The following TMOD1 variants were observed in gnomAD, a reference collection of about 807,000 sequenced individuals.
The protein encoded by TMOD1 is tropomodulin 1.
A neutral mutation model predicts 40.6 loss-of-function variants in TMOD1; 17 were observed. The ratio of observed to expected loss-of-function variants is 0.42; its 90% CI spans 0.29 to 0.63. The LOEUF is 0.63. Ranked by LOEUF, TMOD1 falls within the 20% of genes least tolerant of loss-of-function variation. The pLI, the probability that TMOD1 is intolerant of heterozygous loss-of-function variation, is 0.22. For missense variants in TMOD1, 391 were observed against 447.6 expected, an observed-to-expected ratio of 0.87 and a Z score of 1.14; for synonymous variants, 181 against 175.0, an observed-to-expected ratio of 1.03 and a Z score of -0.27.
intron 2 of TMOD1, among the ~76,000 whole-genome samples, chr9:97,542,028 ATATCT>A (rs1563985188): frequency 6.6e-6 from 1 of 152,184 alleles, no homozygotes; most frequent in African/African-American, 2.4e-5. Context: ...TATTGCTTTG[ATATCT>A]TATCTAAGAA....
chr9:97,593,339 G>A (rs916120013), intron 9 of TMOD1, among the ~76,000 whole-genome samples: 1 of 152,108 alleles, frequency 6.6e-6, no homozygotes, highest in Non-Finnish European at 1.5e-5. Flanking sequence ...CAAAATTCAG[G>A]CCTGACTCCC....
rs1270114041 is a variant in TMOD1, at chr9:97,557,208, C to T, written c.397+3808C>T. Among the ~76,000 whole-genome samples, 2 of 152,078 alleles carry T rather than the reference C, an allele frequency of 1.3e-5. No individual in the cohort carries two copies. Among genetic ancestry groups the T allele is most frequent in the African/African-American group, 2.4e-5 (1 of 41,398 alleles). ...AACATGTAGATTTCAACATTAAAAG[C>T]GTCCCTGCTGGGCAACAAGCAGAGT... On this transcript the variant is annotated intron_variant, in intron 4 of 9. Transcript: ENST00000259365. This position sits in a 1 kb window ranked among gnomAD's most constrained non-coding sequence, Gnocchi z 4.4.
chr9:97,551,781 T>C (rs1459737661), intron 3 of TMOD1, among the ~76,000 whole-genome samples: 2 of 152,226 alleles, frequency 1.3e-5, no homozygotes, highest in African/African-American at 2.4e-5. Flanking sequence ...TTTGGTAGCA[T>C]TGCCATCTTA....
In TMOD1 at chr9:97,554,556, C is replaced by T. The variant is rs527810734; in HGVS notation, c.397+1156C>T. ...AGCCTTTGGTGGTGGGGGTTGGGGG[C>T]GGGGGTGCAAATCGTGGGAATGGGG... is the stretch of plus-strand genomic sequence containing the variant. On this transcript the variant is annotated intron_variant, in intron 4 of 9. Coordinates refer to ENST00000259365, the MANE Select transcript of TMOD1 (RefSeq NM_003275.4). 7.9e-5 allele frequency among the ~76,000 whole-genome samples: 9 copies of T among 114,112 alleles called. No homozygotes were observed. In the East Asian group the frequency reaches 1.8e-3, roughly 23 times the overall value. 74.9% of individuals were successfully genotyped at this position (114,112 alleles called of 152,430 possible).
intron 8 of TMOD1, among the ~76,000 whole-genome samples, chr9:97,575,604 C>G (rs1478147103): frequency 6.6e-6 from 1 of 152,172 alleles, no homozygotes; most frequent in African/African-American, 2.4e-5. Context: ...AATTCCCAGG[C>G]CTCCTTTCTG....
chr9:97,543,021 C>T (rs1255939285), intron 2 of TMOD1, among the ~76,000 whole-genome samples: 1 of 152,164 alleles, frequency 6.6e-6, no homozygotes, highest in Non-Finnish European at 1.5e-5. Context: ...AAGTGTCCAG[C>T]CCAGAATGTC....
At chr9:97,560,470 G>A (rs1830620184) in intron 4 of TMOD1, among the ~76,000 whole-genome samples, 1 of 151,856 alleles carries the variant, frequency 6.6e-6, no homozygotes, top group Non-Finnish European at 1.5e-5. Flanking sequence ...ATATTGAATG[G>A]GGCGTACTTA....
intron 1 of TMOD1, among the ~76,000 whole-genome samples, chr9:97,504,474 G>A (rs1034604652): frequency 6.6e-6 from 1 of 152,208 alleles, no homozygotes; most frequent in Non-Finnish European, 1.5e-5. Context: ...GGCAAGTAGT[G>A]AGAAGAACCC....
At chr9:97,509,408 T>A (rs183738663) in intron 1 of TMOD1, among the ~76,000 whole-genome samples, 1 of 152,124 alleles carries the variant, frequency 6.6e-6, no homozygotes, top group Admixed American at 6.5e-5. Context: ...GTGTTAATAG[T>A]AGTCTGTTGT....
intron 6 of TMOD1, 39 bp downstream of exon 6, chr9:97,564,207 G>C (rs375364797): frequency 1.5e-5 from 23 of 1,553,768 alleles, no homozygotes; most frequent in Admixed American, 1.4e-4. Flanking sequence ...TGTGTGGCTG[G>C]GGGAGGGGGA....
In TMOD1 at chr9:97,600,242, A is replaced by AGAT. The variant is rs1491274933; in HGVS notation, c.*545_*547dup. The stretch of plus-strand genomic sequence containing the variant: ...CAGAACACAATTTTCCCCTCAGAAC[A>AGAT]GATAGACAGACTGAAGCCACTGAAC... On this transcript the variant is annotated 3_prime_UTR_variant, in exon 10 of 10. Coordinates refer to ENST00000259365, the MANE Select transcript of TMOD1 (RefSeq NM_003275.4). 5.1e-6 allele frequency: 5 copies of AGAT among 988,284 alleles called. No individual in the cohort carries two copies. Among genetic ancestry groups the AGAT allele is most frequent in the Non-Finnish European group, 6.0e-6 (5 of 831,526 alleles). The allele number at this position is 988,284 out of a possible 1,614,324, so 61.2% of individuals were successfully genotyped here. A position where few individuals can be genotyped will look rare whatever the true frequency, so the allele number is the denominator to read the frequency against.
intron 8 of TMOD1, among the ~76,000 whole-genome samples, chr9:97,574,416 G>A (rs1830883371): frequency 6.6e-6 from 1 of 152,204 alleles, no homozygotes; most frequent in African/African-American, 2.4e-5. Context: ...CTCCCCACGG[G>A]GCAGGGCTCG....
chr9:97,574,291 C>G (rs538244890), intron 8 of TMOD1, among the ~76,000 whole-genome samples: 2 of 152,128 alleles, frequency 1.3e-5, no homozygotes, highest in Admixed American at 1.3e-4. Flanking sequence ...TGGGCGTGCT[C>G]TCGGCGGGCC....
rs536712495 is a variant in TMOD1, at chr9:97,569,119, G to A, written c.870+82G>A. 9 of 1,541,068 alleles carry A rather than the reference G, an allele frequency of 5.8e-6. No individual in the cohort carries two copies. In the East Asian group the frequency reaches 2.0e-4, roughly 35 times the overall value. On this transcript the variant is annotated intron_variant, in intron 8 of 9. Transcript: ENST00000259365. Reference sequence around the variant, plus strand: ...AGTGTTTCCCATGCTGCTGGATGGAGCTGAGAATGCTGATGATAGAAGCTC... The same window carrying A: ...AGTGTTTCCCATGCTGCTGGATGGAACTGAGAATGCTGATGATAGAAGCTC...
Position 97,574,583 on chromosome 9 carries a change from C to A in TMOD1, c.870+5546C>A, listed in dbSNP as rs1014604960. On this transcript the variant is annotated intron_variant, in intron 8 of 9. Coordinates refer to ENST00000259365, the MANE Select transcript of TMOD1 (RefSeq NM_003275.4). Reference sequence around the variant, plus strand: ...GGGCGCAGGGCGCGGGACTGGCAGGCAGCTCCACCTGCGGCCCCGGTGCAG... The same window carrying A: ...GGGCGCAGGGCGCGGGACTGGCAGGAAGCTCCACCTGCGGCCCCGGTGCAG... Among the ~76,000 whole-genome samples the A allele has an allele frequency of 1.2e-3, 185 of 152,390 alleles. 1 individual carries two copies. The highest frequency in any genetic ancestry group is 4.3e-3 in the African/African-American group (177 of 41,600).
chr9:97,554,336 G>A (rs1366314735), intron 4 of TMOD1, among the ~76,000 whole-genome samples: 1 of 152,106 alleles, frequency 6.6e-6, no homozygotes, highest in Non-Finnish European at 1.5e-5. Flanking sequence ...GTGATGGATG[G>A]CAAGGGAGGA....
intron 2 of TMOD1, among the ~76,000 whole-genome samples, chr9:97,541,966 A>G (rs1015309921): frequency 2.6e-5 from 4 of 152,220 alleles, no homozygotes; most frequent in African/African-American, 9.6e-5. Context: ...CGCAGCACAA[A>G]TGTTTTTAAT....
intron 1 of TMOD1, among the ~76,000 whole-genome samples, chr9:97,522,660 A>G (rs911206636): frequency 5.3e-5 from 8 of 152,028 alleles, no homozygotes; most frequent in African/African-American, 1.9e-4. Context: ...CTCCTGGGCT[A>G]AAGCGATCCT....
chr9:97,563,602 A>G (rs1269841281), intron 5 of TMOD1, among the ~76,000 whole-genome samples: 2 of 151,992 alleles, frequency 1.3e-5, no homozygotes, highest in African/African-American at 2.4e-5. Flanking sequence ...ACTCCACTGC[A>G]TTGTTCCAAA....
Sources: gnomAD v4.1 joint callset for allele counts (sites outside exome capture counted in the v4.1 genomes callset) on GRCh38, gnomAD v4.1.1 for gene constraint, Gnocchi (gnomAD v3.1) non-coding constraint, MANE v1.5 for transcripts, NCBI Gene and HGNC (gene_info 2026-07-23, HGNC 2026-07-21) for gene names.